Variants in NPFFR1 observed in about 807,000 individuals in gnomAD.
NPFFR1 encodes the protein G-protein coupled receptor 147.
Under a neutral mutation model 12.7 loss-of-function variants are expected in NPFFR1, and 17 were observed. That is an observed-to-expected ratio of 1.34 (90% CI 0.92 to 2.01). The LOEUF is 2.01. Ranked by LOEUF, NPFFR1 falls within the 30% of genes most tolerant of loss-of-function variation. NPFFR1 has a pLI of 0.00. For missense variants in NPFFR1, 604 were observed against 606.5 expected (o/e 1.00, Z 0.04); for synonymous variants, 296 against 264.5 (o/e 1.12, Z -1.16).
At chr10:70,258,868 C>T (rs1840604061) in intron 3 of NPFFR1, among the ~76,000 whole-genome samples, 1 of 152,194 alleles carries the variant, frequency 6.6e-6, no homozygotes, top group African/African-American at 2.4e-5. Context: ...TTCCACTTCG[C>T]TACACTGTGT....
intron 3 of NPFFR1, among the ~76,000 whole-genome samples, chr10:70,256,394 T>C (rs1334117009): frequency 6.6e-6 from 1 of 152,206 alleles, no homozygotes; most frequent in Non-Finnish European, 1.5e-5. Flanking sequence ...TTGTGTACTT[T>C]TGGGGGTCAA....
intron 2 of NPFFR1, among the ~76,000 whole-genome samples, chr10:70,261,454 G>A (rs1257934188): frequency 1.3e-5 from 2 of 152,104 alleles, no homozygotes; most frequent in Non-Finnish European, 2.9e-5. Flanking sequence ...GGGTTTTGCT[G>A]TATTTTTAAT....
chr10:70,283,640 C>A (rs1040593471), intron 1 of NPFFR1, 30 bp downstream of exon 1: 5 of 1,532,502 alleles, frequency 3.3e-6, no homozygotes, highest in South Asian at 1.2e-5. Flanking sequence ...CCCTGCCCCA[C>A]GGCTGGCCCC....
chr10:70,276,022 A>G (rs1450698134), intron 1 of NPFFR1, among the ~76,000 whole-genome samples: 1 of 152,152 alleles, frequency 6.6e-6, no homozygotes, highest in Non-Finnish European at 1.5e-5. Flanking sequence ...AGGCTCTGCC[A>G]TCTCCATCCA....
At position 70,255,864 on chromosome 10, in the gene NPFFR1, G is replaced by T. The variant is rs748422572; in HGVS notation, c.423-37C>A. 1.5e-5 allele frequency: 23 copies of T among 1,564,728 alleles called. No individual in the cohort carries two copies. The highest frequency in any genetic ancestry group is 7.4e-5 in the Admixed American group (4 of 54,048). Reference sequence around the variant, plus strand: ...AGAGAGACAGGCGGGATCTGGGTGGGTCCTAGGGCCCCTGCGAGGGGACGG... The same window carrying T: ...AGAGAGACAGGCGGGATCTGGGTGGTTCCTAGGGCCCCTGCGAGGGGACGG... On this transcript the variant is annotated intron_variant, in intron 3 of 3. Transcript: ENST00000277942. This position sits in a 1 kb window ranked among gnomAD's most constrained non-coding sequence, Gnocchi z 4.2.
intron 1 of NPFFR1, among the ~76,000 whole-genome samples, chr10:70,270,274 C>A (rs1840732866): frequency 6.6e-6 from 1 of 152,188 alleles, no homozygotes; most frequent in Admixed American, 6.5e-5. Context: ...TGCAGGCAGG[C>A]AGTGCTGATG....
chr10:70,266,683 G>C (rs1388823003), intron 1 of NPFFR1, among the ~76,000 whole-genome samples: 3 of 152,130 alleles, frequency 2.0e-5, no homozygotes, highest in Non-Finnish European at 4.4e-5. Context: ...TGGCCCTCCT[G>C]TGTGCCCCAG....
intron 1 of NPFFR1, among the ~76,000 whole-genome samples, chr10:70,283,442 TTC>T (rs1400073280): frequency 6.7e-6 from 1 of 148,516 alleles, no homozygotes; most frequent in Non-Finnish European, 1.5e-5. Flanking sequence ...CTGTCTGTTT[TTC>T]TGTCTCACAT....
chr10:70,255,371 G>C lies in NPFFR1; in HGVS notation c.879C>G (p.Ile293Met), dbSNP rs1004080596. Residue 293 changes from isoleucine (I) to methionine (M), a missense_variant, in exon 4 of 4, where the codon ATC becomes ATG. Ile to Met is a conservative substitution (Grantham distance 10). Transcript: ENST00000277942. The surrounding 1 kb of genome is among the most constrained non-coding windows in gnomAD (Gnocchi z 4.2). ...WLPLWALLLL[I>M]DYGQLSAPQL... ...GCGGCGCGCTGAGCTGCCCGTAGTCGATGAGCAGCAGCAGCGCCCAGAGCG... is the reference window on the plus strand; with the variant it reads ...GCGGCGCGCTGAGCTGCCCGTAGTCCATGAGCAGCAGCAGCGCCCAGAGCG... The C allele has an allele frequency of 1.9e-6, 3 of 1,554,304 alleles. No homozygotes were observed. The highest frequency in any genetic ancestry group is 2.6e-6 in the Non-Finnish European group (3 of 1,153,310).
chr10:70,283,454 T>TAC (rs1295973377), intron 1 of NPFFR1, among the ~76,000 whole-genome samples: 2 of 151,142 alleles, frequency 1.3e-5, no homozygotes, highest in African/African-American at 4.9e-5. Flanking sequence ...CTGTCTCACA[T>TAC]ACACACGCAC....
rs369918065 is a variant in NPFFR1, at chr10:70,254,956, C to T, written c.*1G>A. The T allele has an allele frequency of 1.2e-5, 17 of 1,428,204 alleles. No individual in the cohort carries two copies. The highest frequency in any genetic ancestry group is 1.5e-5 in the Non-Finnish European group (16 of 1,097,926). The allele number at this position is 1,428,204 out of a possible 1,614,324, so 88.5% of individuals were successfully genotyped here. A position where few individuals can be genotyped will look rare whatever the true frequency, so the allele number is the denominator to read the frequency against. On this transcript the variant is annotated 3_prime_UTR_variant, in exon 4 of 4. Transcript: ENST00000277942. Reference sequence around the variant, plus strand: ...CAGCGTCCCGCCCTCCCTGGACCCCCTCAGATATCCCAGGCTGGAATGGTG... The same window carrying T: ...CAGCGTCCCGCCCTCCCTGGACCCCTTCAGATATCCCAGGCTGGAATGGTG...
rs752147107 is a variant in NPFFR1 at position 70,254,940 on chromosome 10, G to A, written c.*17C>T. On this transcript the variant is annotated 3_prime_UTR_variant, in exon 4 of 4. Transcript: ENST00000277942. ...AATCGGGGCCCTGAGGCAGCGTCCC[G>A]CCCTCCCTGGACCCCCTCAGATATC... The A allele has an allele frequency of 1.9e-6, 2 of 1,052,036 alleles. No individual in the cohort carries two copies. The highest frequency in any genetic ancestry group is 1.2e-6 in the Non-Finnish European group (1 of 803,952). 65.2% of individuals were successfully genotyped at this position (1,052,036 alleles called of 1,614,324 possible). A position where few individuals can be genotyped will look rare whatever the true frequency, so the allele number is the denominator to read the frequency against.
chr10:70,283,691 C>T lies in NPFFR1; in HGVS notation c.-15G>A, dbSNP rs996369238. 3 of 1,535,248 alleles carry T rather than the reference C, an allele frequency of 2.0e-6. No individual in the cohort carries two copies. The highest frequency in any genetic ancestry group is 2.6e-6 in the Non-Finnish European group (3 of 1,146,506). Reference sequence around the variant, plus strand: ...TCACCCTCCATGATGCCCCCAGTTGCGGGCTCCGGCGGTCTCCGATGGCGG... The same window carrying T: ...TCACCCTCCATGATGCCCCCAGTTGTGGGCTCCGGCGGTCTCCGATGGCGG... On this transcript the variant is annotated 5_prime_UTR_variant, in exon 1 of 4. Coordinates refer to ENST00000277942, the MANE Select transcript of NPFFR1 (RefSeq NM_022146.5).
chr10:70,280,835 C>A (rs946527044), intron 1 of NPFFR1, among the ~76,000 whole-genome samples: 2 of 152,078 alleles, frequency 1.3e-5, no homozygotes, highest in African/African-American at 4.8e-5. Context: ...AACCCTGTCT[C>A]TACTAAAAAC....
intron 3 of NPFFR1, among the ~76,000 whole-genome samples, chr10:70,257,661 G>C (rs1463411982): frequency 6.6e-6 from 1 of 152,236 alleles, no homozygotes; most frequent in Non-Finnish European, 1.5e-5. Flanking sequence ...TGCTGAGGTG[G>C]ATTAGTAAAA....
chr10:70,264,895 C>T (rs918647208), intron 2 of NPFFR1, among the ~76,000 whole-genome samples: 10 of 152,316 alleles, frequency 6.6e-5, no homozygotes, highest in Non-Finnish European at 1.3e-4. Flanking sequence ...GATGGGGAGA[C>T]GCCACCTTAA....
chr10:70,266,500 C>T lies in NPFFR1; in HGVS notation c.8-109G>A, dbSNP rs976943521. On this transcript the variant is annotated intron_variant, in intron 1 of 3. Coordinates refer to ENST00000277942, the MANE Select transcript of NPFFR1 (RefSeq NM_022146.5). Reference sequence around the variant, plus strand: ...GCCAAACCTTAACCATGCCCTGGTCCCCCAAGCATGTCCCCAGCTCCAGTT... The same window carrying T: ...GCCAAACCTTAACCATGCCCTGGTCTCCCAAGCATGTCCCCAGCTCCAGTT... 1.2e-5 allele frequency: 10 copies of T among 861,762 alleles called. No homozygotes were observed. The African/African-American group carries it at 1.7e-4, about 15-fold the overall frequency. 53.4% of individuals were successfully genotyped at this position (861,762 alleles called of 1,614,324 possible).
Position 70,254,901 on chromosome 10 carries a change from T to G in NPFFR1, c.*56A>C, listed in dbSNP as rs1048039220. 5 of 1,377,606 alleles carry G rather than the reference T, an allele frequency of 3.6e-6. No homozygotes were observed. Among genetic ancestry groups the G allele is most frequent in the Non-Finnish European group, 4.7e-6 (5 of 1,071,342 alleles). The allele number at this position is 1,377,606 out of a possible 1,614,324, so 85.3% of individuals were successfully genotyped here. A position where few individuals can be genotyped will look rare whatever the true frequency, so the allele number is the denominator to read the frequency against. On this transcript the variant is annotated 3_prime_UTR_variant, in exon 4 of 4. Coordinates refer to ENST00000277942, the MANE Select transcript of NPFFR1 (RefSeq NM_022146.5). ...CCACACCAGGCCGCTATCGCCTGCA[T>G]GTATCTCGTGTCCAATCGGGGCCCT... is the stretch of plus-strand genomic sequence containing the variant.
rs1840622643 is a variant in NPFFR1 at position 70,260,661 on chromosome 10, A to G, written c.401T>C (p.Leu134Pro). 1 of 1,611,026 alleles carries G rather than the reference A, an allele frequency of 6.2e-7. No homozygotes were observed. The highest frequency in any genetic ancestry group is 1.3e-5 in the African/African-American group (1 of 75,016). Residue 134 changes from leucine (L) to proline (P), a missense_variant, in exon 3 of 4, where the codon CTG (leucine) becomes CCG (proline). By Grantham distance (98) the Leu-to-Pro change is moderately conservative. Coordinates refer to ENST00000277942, the MANE Select transcript of NPFFR1 (RefSeq NM_022146.5). Reference protein sequence around the residue: ...GMSVSASVFTLVAIAVERFRC... With the variant: ...GMSVSASVFTPVAIAVERFRC... Reference sequence around the variant, plus strand: ...TCACCTTTCCACAGCAATGGCCACCAGTGTGAAAACGGAAGCCGACACAGA... The same window carrying G: ...TCACCTTTCCACAGCAATGGCCACCGGTGTGAAAACGGAAGCCGACACAGA...
Sources: allele counts gnomAD v4.1 joint callset (sites outside exome capture counted in the v4.1 genomes callset), GRCh38; gene constraint gnomAD v4.1.1; non-coding constraint Gnocchi (gnomAD v3.1); transcripts MANE v1.5; gene names NCBI Gene and HGNC (gene_info 2026-07-23, HGNC 2026-07-21).